DISP1: variants seen among roughly 807,000 people sequenced by gnomAD.
DISP1 encodes dispatched RND transporter family member 1.
DISP1 carries 30 observed loss-of-function variants against 37.3 expected under a neutral mutation model. That is an observed-to-expected ratio of 0.80 (90% CI 0.60 to 1.09). The LOEUF (loss-of-function observed/expected upper bound fraction) is 1.09, where lower values mean the gene tolerates loss of function less well. Among genes scored for constraint, DISP1 ranks in the 50% least tolerant of loss-of-function variants. DISP1 has a pLI of 0.00. For missense variants in DISP1, 1,598 were observed against 1,879.5 expected (o/e 0.85, Z 2.77); for synonymous variants, 634 against 690.2 (o/e 0.92, Z 1.28).
intron 1 of DISP1, among the ~76,000 whole-genome samples, chr1:222,844,776 A>G (rs1348288577): frequency 6.6e-6 from 1 of 152,156 alleles, no homozygotes; most frequent in African/African-American, 2.4e-5. Context: ...AACAATTACA[A>G]TGAGATTTGT....
chr1:222,855,175 C>G lies in DISP1; in HGVS notation c.-159+40097C>G, dbSNP rs140347313. 1.2e-3 allele frequency among the ~76,000 whole-genome samples: 185 copies of G among 152,320 alleles called. 1 individual carries two copies. Among genetic ancestry groups the G allele is most frequent in the Non-Finnish European group, 1.7e-3 (119 of 68,028 alleles). ...GTGTACCAACTCTTGAGGGTTCCATCATGTATGATGAGGAGCCACATCAAG... is the reference window on the plus strand; with the variant it reads ...GTGTACCAACTCTTGAGGGTTCCATGATGTATGATGAGGAGCCACATCAAG... On this transcript the variant is annotated intron_variant, in intron 1 of 8. Coordinates refer to ENST00000675850, the MANE Select transcript of DISP1 (RefSeq NM_001377229.1).
At chr1:222,815,485 G>C (rs1660953176) in intron 1 of DISP1, among the ~76,000 whole-genome samples, 1 of 152,190 alleles carries the variant, frequency 6.6e-6, no homozygotes, top group Admixed American at 6.5e-5. Context: ...TTACAGAGGA[G>C]GGAGTCAGTC....
chr1:222,980,395 G>A (rs1677743253), intron 3 of DISP1, among the ~76,000 whole-genome samples: 1 of 147,288 alleles, frequency 6.8e-6, no homozygotes, highest in African/African-American at 2.5e-5. Context: ...AAATAGGAAT[G>A]GGCTGATGTA....
chr1:222,890,370 A>G (rs1278329115), intron 1 of DISP1, among the ~76,000 whole-genome samples: 1 of 152,200 alleles, frequency 6.6e-6, no homozygotes, highest in African/African-American at 2.4e-5. Context: ...GATAGGGATC[A>G]GTACTTCAAA....
chr1:222,942,100 GAA>G (rs908962448), intron 2 of DISP1, among the ~76,000 whole-genome samples: 2 of 136,492 alleles, frequency 1.5e-5, no homozygotes, highest in Non-Finnish European at 1.6e-5. Context: ...TTGGTGGAAG[GAA>G]AAAAAAAAGT....
At chr1:222,824,966 T>G (rs1663950165) in intron 1 of DISP1, among the ~76,000 whole-genome samples, 1 of 152,214 alleles carries the variant, frequency 6.6e-6, no homozygotes, top group Non-Finnish European at 1.5e-5. Context: ...AAAAAATTTT[T>G]TAGACAGTTT....
rs111547845 is a variant in DISP1, at chr1:223,002,507, A to T, written c.1110A>T (p.Ile370=). The stretch of plus-strand genomic sequence containing the variant: ...ACAATAGATCGTCCTGTCAGAAAAT[A>T]GTTGAGCGAGACGTTTCTCATACCT... ...ILNNRSSCQK[I]VERDVSHTLK... The change falls in exon 9 of 9, where the codon ATA becomes ATT. Residue 370 remains isoleucine (I), a synonymous_variant. Transcript: ENST00000675850. The T allele has an allele frequency of 1.9e-6, 3 of 1,614,156 alleles. No homozygotes were observed. The highest frequency in any genetic ancestry group is 2.5e-6 in the Non-Finnish European group (3 of 1,180,020).
At chr1:222,933,746 A>C (rs1313262057) in intron 2 of DISP1, among the ~76,000 whole-genome samples, 1 of 151,992 alleles carries the variant, frequency 6.6e-6, no homozygotes, top group Non-Finnish European at 1.5e-5. Flanking sequence ...AGGAGAGTTT[A>C]ATAGTAGAAA....
At chr1:222,832,815 G>GTAGCAAAAGTGTGGGTATTATT (rs1666084961) in intron 1 of DISP1, among the ~76,000 whole-genome samples, 1 of 152,130 alleles carries the variant, frequency 6.6e-6, no homozygotes, top group African/African-American at 2.4e-5. Context: ...AGACTCACTT[G>GTAGCAAAAGTGTGGGTATTATT]AACCCGGGAG....
At position 222,981,715 on chromosome 1, in the gene DISP1, T is replaced by G. The variant is rs150187099; in HGVS notation, c.510-1365T>G. ...AATTCCAAGGTAGGGTTCCAACTAT[T>G]GGAAGAGTAATAGCTTGAAGTAGGA... is the stretch of plus-strand genomic sequence containing the variant. On this transcript the variant is annotated intron_variant, in intron 3 of 8. Coordinates refer to ENST00000675850, the MANE Select transcript of DISP1 (RefSeq NM_001377229.1). 2.8e-3 allele frequency among the ~76,000 whole-genome samples: 430 copies of G among 152,344 alleles called. 2 individuals carry two copies. Among genetic ancestry groups the G allele is most frequent in the African/African-American group, 0.01 (416 of 41,590 alleles).
intron 1 of DISP1, among the ~76,000 whole-genome samples, chr1:222,889,305 G>C (rs957714893): frequency 1.3e-5 from 2 of 151,960 alleles, no homozygotes; most frequent in African/African-American, 4.8e-5. Flanking sequence ...GGTTTTGCTT[G>C]GTATCTAGTT....
At chr1:222,828,236 T>G (rs970011072) in intron 1 of DISP1, among the ~76,000 whole-genome samples, 1 of 152,218 alleles carries the variant, frequency 6.6e-6, no homozygotes, top group African/African-American at 2.4e-5. Context: ...TTCTGCCATA[T>G]CATATGCTTT....
chr1:223,000,689 C>T (rs1229207460), intron 8 of DISP1, among the ~76,000 whole-genome samples: 2 of 152,066 alleles, frequency 1.3e-5, no homozygotes, highest in African/African-American at 4.8e-5. Flanking sequence ...TTCATCTATA[C>T]CCCACCCCCA....
At position 222,936,908 on chromosome 1, in the gene DISP1, T is replaced by C. The variant is rs868226326; in HGVS notation, c.-17-5899T>C. Among the ~76,000 whole-genome samples the C allele has an allele frequency of 9.4e-5, 8 of 85,384 alleles. No individual in the cohort carries two copies. The South Asian group carries it at 2.1e-3, about 23-fold the overall frequency. The allele number at this position is 85,384 out of a possible 152,430, so 56.0% of individuals were successfully genotyped here. A position where few individuals can be genotyped will look rare whatever the true frequency, so the allele number is the denominator to read the frequency against. On this transcript the variant is annotated intron_variant, in intron 2 of 8. Coordinates refer to ENST00000675850, the MANE Select transcript of DISP1 (RefSeq NM_001377229.1). ...TATATAATATATTATTTATATATAA[T>C]ATATTATATATTATATAATATGTAA...
intron 1 of DISP1, among the ~76,000 whole-genome samples, chr1:222,906,503 A>C (rs189855254): frequency 1.3e-5 from 2 of 152,290 alleles, no homozygotes; most frequent in Admixed American, 6.5e-5. Flanking sequence ...TCCGCACAAG[A>C]TACTGGTCAT....
chr1:222,935,522 ATGCC>A (rs1456373810), intron 2 of DISP1, among the ~76,000 whole-genome samples: 1 of 152,128 alleles, frequency 6.6e-6, no homozygotes, highest in Non-Finnish European at 1.5e-5. Flanking sequence ...TGGAGTGGTA[ATGCC>A]TGCCACCCCT....
intron 1 of DISP1, among the ~76,000 whole-genome samples, chr1:222,904,966 A>G (rs1161855033): frequency 6.6e-6 from 1 of 152,218 alleles, no homozygotes; most frequent in Non-Finnish European, 1.5e-5. Flanking sequence ...AAAACTACTC[A>G]TGCTGCAAAT....
chr1:222,981,815 AAGAAAGAGTATGTAGCT>A (rs1352160078), intron 3 of DISP1, among the ~76,000 whole-genome samples: 42 of 152,320 alleles, frequency 2.8e-4, no homozygotes, highest in Non-Finnish European at 3.8e-4. Flanking sequence ...ATTTCATTTT[AAGAAAGAGTATGTAGCT>A]AGGCAATTCA....
In DISP1 at chr1:222,868,776, T is replaced by C. The variant is rs560682925; in HGVS notation, c.-159+53698T>C. Among the ~76,000 whole-genome samples, 231 of 152,282 alleles carry C rather than the reference T, an allele frequency of 1.5e-3. 1 individual carries two copies. The highest frequency in any genetic ancestry group is 5.4e-3 in the African/African-American group (225 of 41,582). ...TAACATATGTACAGAAAGGAGCATATTGAAGCTAATGTTTAGAGGTGCTTT... is the reference window on the plus strand; with the variant it reads ...TAACATATGTACAGAAAGGAGCATACTGAAGCTAATGTTTAGAGGTGCTTT... On this transcript the variant is annotated intron_variant, in intron 1 of 8. Coordinates refer to ENST00000675850, the MANE Select transcript of DISP1 (RefSeq NM_001377229.1).
Sources: allele counts gnomAD v4.1 joint callset (sites outside exome capture counted in the v4.1 genomes callset), GRCh38; gene constraint gnomAD v4.1.1; transcripts MANE v1.5; gene names NCBI Gene and HGNC (gene_info 2026-07-23, HGNC 2026-07-21).